Variants in TEX14 observed in about 807,000 individuals in gnomAD.
TEX14 encodes testis expressed 14, intercellular bridge forming factor, also known as inactive serine/threonine-protein kinase TEX14.
A neutral mutation model predicts 178.6 loss-of-function variants in TEX14; 168 were observed. The observed-to-expected ratio is 0.94, with a 90% confidence interval of 0.83 to 1.07. The LOEUF is 1.07. TEX14 is among the 50% of genes least tolerant of loss of function. The pLI is 0.00. For synonymous variants in TEX14, 626 were observed against 634.1 expected (o/e 0.99, Z 0.19); for missense variants, 1,730 against 1,753.6 (o/e 0.99, Z 0.24).
intron 2 of TEX14, among the ~76,000 whole-genome samples, chr17:58,643,622 C>T (rs1222194545): frequency 6.6e-6 from 1 of 151,794 alleles, no homozygotes; most frequent in East Asian, 1.9e-4. Flanking sequence ...GTAATCCCAG[C>T]ACTTTGGGAG....
chr17:58,653,556 C>G (rs1036089517), intron 1 of TEX14, among the ~76,000 whole-genome samples: 11 of 152,244 alleles, frequency 7.2e-5, no homozygotes, highest in African/African-American at 2.6e-4. Flanking sequence ...GTGCTATTGT[C>G]ATTATAAAGG....
In TEX14 at chr17:58,569,697, T is replaced by C. The variant is rs986735872; in HGVS notation, c.3818-437A>G. ...AGGGGATTTAGAGGCAACCACACTT[T>C]GGGTCTTGCCCCAAGTGCTCAATTA... is the stretch of plus-strand genomic sequence containing the variant. On this transcript the variant is annotated intron_variant, in intron 25 of 31. Coordinates refer to ENST00000349033, the MANE Select transcript of TEX14 (RefSeq NM_031272.5). This position sits in a 1 kb window ranked among gnomAD's most constrained non-coding sequence, Gnocchi z 4.1. Among the ~76,000 whole-genome samples the C allele has an allele frequency of 6.6e-6, 1 of 152,250 alleles. No individual in the cohort carries two copies. Among genetic ancestry groups the C allele is most frequent in the African/African-American group, 2.4e-5 (1 of 41,456 alleles).
chr17:58,652,909 G>C (rs1482713060), intron 1 of TEX14, among the ~76,000 whole-genome samples: 1 of 152,012 alleles, frequency 6.6e-6, no homozygotes, highest in Non-Finnish European at 1.5e-5. Context: ...TGTAACATGG[G>C]GATAATAATA....
chr17:58,642,259 T>G (rs1233660822), intron 2 of TEX14, among the ~76,000 whole-genome samples: 1 of 152,206 alleles, frequency 6.6e-6, no homozygotes, highest in Non-Finnish European at 1.5e-5. Flanking sequence ...GACATTCACA[T>G]GGCACAGTGT....
chr17:58,689,882 C>T (rs1031322351), intron 1 of TEX14, among the ~76,000 whole-genome samples: 1 of 149,970 alleles, frequency 6.7e-6, no homozygotes, highest in Non-Finnish European at 1.5e-5. Flanking sequence ...TGGAGTCTCG[C>T]TCTGTCGCCC....
rs563074040 is a variant in TEX14 at position 58,664,529 on chromosome 17, G to A, written c.-1-12527C>T. On this transcript the variant is annotated intron_variant, in intron 1 of 31. Transcript: ENST00000349033. The stretch of plus-strand genomic sequence containing the variant: ...CACTTAAATGTTCAAGGTCCAGTCC[G>A]CTGGCCTAGCCACTGGGGATACTAA... 4.6e-5 allele frequency among the ~76,000 whole-genome samples: 7 copies of A among 152,226 alleles called. No homozygotes were observed. In the South Asian group the frequency reaches 6.2e-4, roughly 14 times the overall value.
intron 28 of TEX14, 140 bp downstream of exon 28, chr17:58,564,724 GTAACC>G: frequency 2.2e-6 from 1 of 446,934 alleles, no homozygotes; most frequent in Non-Finnish European, 3.9e-6. Context: ...TTTTAAAAAA[GTAACC>G]CTTTAGGAAT....
At chr17:58,643,558 T>A (rs1346557927) in intron 2 of TEX14, among the ~76,000 whole-genome samples, 1 of 104,702 alleles carries the variant, frequency 9.6e-6, no homozygotes, top group Non-Finnish European at 2.0e-5. Context: ...TGAGACCCTG[T>A]CTCAAAAATG....
intron 1 of TEX14, among the ~76,000 whole-genome samples, chr17:58,670,146 G>A (rs889267847): frequency 3.3e-5 from 5 of 152,168 alleles, no homozygotes; most frequent in Admixed American, 2.0e-4. Flanking sequence ...TGTTATCATA[G>A]TAAGAGTCCT....
chr17:58,583,526 A>G (rs576727967), intron 19 of TEX14, among the ~76,000 whole-genome samples: 3 of 152,126 alleles, frequency 2.0e-5, no homozygotes, highest in Non-Finnish European at 4.4e-5. Context: ...CAGCCTCCCA[A>G]TGTACTGGAA....
At chr17:58,639,603 G>A (rs2046526235) in intron 2 of TEX14, among the ~76,000 whole-genome samples, 1 of 152,182 alleles carries the variant, frequency 6.6e-6, no homozygotes, top group Non-Finnish European at 1.5e-5. Context: ...GGGAGGCTGA[G>A]GCAGGAGAAT....
intron 2 of TEX14, among the ~76,000 whole-genome samples, chr17:58,647,465 G>A (rs1482169715): frequency 2.6e-5 from 4 of 151,430 alleles, no homozygotes; most frequent in African/African-American, 9.7e-5. Flanking sequence ...CCGGGAGGCG[G>A]AGCTTGCAGT....
chr17:58,607,772 A>G (rs2045644201), intron 10 of TEX14, among the ~76,000 whole-genome samples: 1 of 152,252 alleles, frequency 6.6e-6, no homozygotes, highest in African/African-American at 2.4e-5. Context: ...ATAGCCAGAG[A>G]GGTCAACCCT....
chr17:58,617,022 G>A (rs1008953408), intron 6 of TEX14, among the ~76,000 whole-genome samples: 5 of 152,198 alleles, frequency 3.3e-5, no homozygotes, highest in Non-Finnish European at 5.9e-5. Context: ...AGGTCAAGGC[G>A]GGTGGACCGA....
At chr17:58,631,913 A>G (rs1242007330) in intron 2 of TEX14, 2 of 152,240 alleles carry the variant, frequency 1.3e-5, no homozygotes. Context: ...TCGTGAGCAC[A>G]TTTTCCTCTC....
At position 58,601,972 on chromosome 17, in the gene TEX14, T is replaced by C. The variant is rs201893162; in HGVS notation, c.1528-16A>G. ...CAGTAAAATCCTGTAACACAGGAAA[T>C]ATTGTCAAGGACATAGTCTCAGTCA... On this transcript the variant is annotated splice_polypyrimidine_tract_variant and intron_variant, in intron 12 of 31. Transcript: ENST00000349033. The C allele has an allele frequency of 7.4e-6, 12 of 1,612,452 alleles. No homozygotes were observed. The African/African-American group carries it at 1.5e-4, about 20-fold the overall frequency.
Position 58,559,454 on chromosome 17 carries a change from T to G in TEX14, c.4266A>C (p.Glu1422Asp), listed in dbSNP as rs764641125. 4.5e-6 allele frequency: 6 copies of G among 1,323,550 alleles called. No homozygotes were observed. Among genetic ancestry groups the G allele is most frequent in the South Asian group, 3.6e-5 (3 of 83,204 alleles). The allele number at this position is 1,323,550 out of a possible 1,614,324, so 82.0% of individuals were successfully genotyped here. ...TTATAAACATACATTAATTCATACC[T>G]TCTTCAGAAGTCCCTAGAACACCCT... Reference protein sequence around the residue: ...KSEGVLGTSEEDELKSCFWKR... With the variant: ...KSEGVLGTSEDDELKSCFWKR... The change falls in exon 30 of 32, where the codon GAA becomes GAC. Residue 1422 changes from glutamate to aspartate, a missense_variant and splice_region_variant. Physicochemically the swap from Glu to Asp is conservative, Grantham distance 45. Transcript: ENST00000349033.
chr17:58,592,223 C>A (rs756400995), intron 15 of TEX14, among the ~76,000 whole-genome samples: 53 of 147,806 alleles, frequency 3.6e-4, no homozygotes, highest in Admixed American at 1.2e-3. Flanking sequence ...TAAGTTCGTT[C>A]TTTATTTATT....
chr17:58,562,426 T>G (rs755801025), intron 28 of TEX14, among the ~76,000 whole-genome samples: 1 of 152,210 alleles, frequency 6.6e-6, no homozygotes, highest in Non-Finnish European at 1.5e-5. Flanking sequence ...CATCTATCTG[T>G]GGCCAGCACT....
Sources: allele counts gnomAD v4.1 joint callset (sites outside exome capture counted in the v4.1 genomes callset), GRCh38; gene constraint gnomAD v4.1.1; non-coding constraint Gnocchi (gnomAD v3.1); transcripts MANE v1.5; gene names NCBI Gene and HGNC (gene_info 2026-07-23, HGNC 2026-07-21).